Variants in GUCA1C observed in about 807,000 individuals in gnomAD.
GUCA1C encodes the protein guanylate cyclase activator 1C, also known as guanylyl cyclase-activating protein 3.
Under a neutral mutation model 16.2 loss-of-function variants are expected in GUCA1C, and 15 were observed. That is an observed-to-expected ratio of 0.93 (90% CI 0.62 to 1.43). The LOEUF (loss-of-function observed/expected upper bound fraction) is 1.43. Among genes scored for constraint, GUCA1C ranks in the 40% most tolerant of loss-of-function variants. The probability of loss-of-function intolerance (pLI) is 0.00; values close to 1 mark genes in which losing one functional copy is unlikely to be tolerated. For missense variants in GUCA1C, 275 were observed against 244.8 expected (o/e 1.12, Z -0.82); for synonymous variants, 78 against 85.4 (o/e 0.91, Z 0.48).
chr3:108,953,803 C>A lies in GUCA1C; in HGVS notation c.-41G>T. 1 of 1,484,634 alleles carries A rather than the reference C, an allele frequency of 6.7e-7. No individual in the cohort carries two copies. Among genetic ancestry groups the A allele is most frequent in the Non-Finnish European group, 9.4e-7 (1 of 1,062,826 alleles). 92.0% of individuals were successfully genotyped at this position (1,484,634 alleles called of 1,614,324 possible). A position where few individuals can be genotyped will look rare whatever the true frequency, so the allele number is the denominator to read the frequency against. ...ACAGCTTTTCCTCAGGTTGTTTTCA[C>A]TTAAGTTTTTGCTGGATTTAGTCCC... On this transcript the variant is annotated 5_prime_UTR_variant, in exon 1 of 4. Coordinates refer to ENST00000261047, the MANE Select transcript of GUCA1C (RefSeq NM_005459.4).
intron 1 of GUCA1C, among the ~76,000 whole-genome samples, chr3:108,951,065 A>G (rs1946891891): frequency 6.6e-6 from 1 of 152,120 alleles, no homozygotes; most frequent in African/African-American, 2.4e-5. Flanking sequence ...AAAGAAAAAT[A>G]TTGCATGATC....
chr3:108,914,796 TAA>T (rs1946490327), intron 3 of GUCA1C, among the ~76,000 whole-genome samples: 1 of 152,312 alleles, frequency 6.6e-6, no homozygotes. Flanking sequence ...ATATTCCAAA[TAA>T]AGTCTTCATT....
At chr3:108,923,528 G>A (rs755345148) in intron 1 of GUCA1C, among the ~76,000 whole-genome samples, 1 of 152,164 alleles carries the variant, frequency 6.6e-6, no homozygotes, top group South Asian at 2.1e-4. Context: ...TTTTATACCA[G>A]TGCCATGCTG....
chr3:108,926,401 T>C (rs554442238), intron 1 of GUCA1C, among the ~76,000 whole-genome samples: 4 of 152,318 alleles, frequency 2.6e-5, no homozygotes, highest in Non-Finnish European at 5.9e-5. Context: ...ATCTTTTAAG[T>C]GGAGCATTTA....
chr3:108,935,358 T>TA (rs1419510192), intron 1 of GUCA1C, among the ~76,000 whole-genome samples: 1 of 149,208 alleles, frequency 6.7e-6, no homozygotes, highest in African/African-American at 2.5e-5. Flanking sequence ...GAAAAAAAAA[T>TA]AAAAAATAAA....
At chr3:108,910,227 G>C (rs528216471) in intron 3 of GUCA1C, among the ~76,000 whole-genome samples, 1 of 152,254 alleles carries the variant, frequency 6.6e-6, no homozygotes, top group East Asian at 1.9e-4. Flanking sequence ...GGCCGTGAGC[G>C]GTGGCTCACG....
intron 1 of GUCA1C, among the ~76,000 whole-genome samples, chr3:108,932,044 G>T (rs1248780154): frequency 6.6e-6 from 1 of 151,382 alleles, no homozygotes; most frequent in Non-Finnish European, 1.5e-5. Context: ...TAGAGACGGG[G>T]TTTCACCGTG....
chr3:108,942,281 G>A (rs17592148), intron 1 of GUCA1C, among the ~76,000 whole-genome samples: 54,953 of 151,940 alleles, frequency 0.36, 10,706 homozygotes, highest in Non-Finnish European at 0.43. Context: ...AATAATCAAA[G>A]TTTTTCACTT....
chr3:108,942,176 C>G (rs1690030061), intron 1 of GUCA1C, among the ~76,000 whole-genome samples: 1 of 152,154 alleles, frequency 6.6e-6, no homozygotes, highest in South Asian at 2.1e-4. Context: ...AGTATCTACT[C>G]TATAATATTG....
At chr3:108,946,314 T>TA (rs111305998) in intron 1 of GUCA1C, among the ~76,000 whole-genome samples, 5,110 of 152,140 alleles carry the variant, frequency 0.034, 268 homozygotes, top group African/African-American at 0.11. Flanking sequence ...GCGTTTTTTT[T>TA]AGAGACAAGG....
chr3:108,949,721 C>T (rs1946879244), intron 1 of GUCA1C, among the ~76,000 whole-genome samples: 1 of 152,120 alleles, frequency 6.6e-6, no homozygotes, highest in Non-Finnish European at 1.5e-5. Flanking sequence ...ATCATAACCA[C>T]TCAAAAAGTG....
Position 108,918,186 on chromosome 3 carries a change from C to T in GUCA1C, c.355-1972G>A, listed in dbSNP as rs755459184. 7.9e-5 allele frequency among the ~76,000 whole-genome samples: 12 copies of T among 152,186 alleles called. No homozygotes were observed. The South Asian group carries it at 8.3e-4, about 11-fold the overall frequency. On this transcript the variant is annotated intron_variant, in intron 2 of 3. Transcript: ENST00000261047. ...TGAGCAATAGATGGCAACAGCCCTA[C>T]GCCCTCTCTACTCTCCAACTCACCA... is the stretch of plus-strand genomic sequence containing the variant.
rs150156597 is a variant in GUCA1C, at chr3:108,915,308, T to C, written c.442+819A>G. Among the ~76,000 whole-genome samples, 140 of 152,366 alleles carry C rather than the reference T, an allele frequency of 9.2e-4. 1 individual carries two copies. Among genetic ancestry groups the C allele is most frequent in the Middle Eastern group, 3.4e-3 (1 of 294 alleles). ...ATGACAACTGTGATTGGCATGCCAA[T>C]GCCTCTTATCCGTTTTCTTAAACCT... is the stretch of plus-strand genomic sequence containing the variant. On this transcript the variant is annotated intron_variant, in intron 3 of 3. Coordinates refer to ENST00000261047, the MANE Select transcript of GUCA1C (RefSeq NM_005459.4).
At chr3:108,908,308 C>T in intron 3 of GUCA1C, 99 bp from the exon 4 acceptor site, 2 of 561,226 alleles carry the variant, frequency 3.6e-6, no homozygotes, top group South Asian at 8.0e-5. Flanking sequence ...CTTTTGATAT[C>T]CTTTCCCCTC....
At chr3:108,930,933 A>G (rs1472176234) in intron 1 of GUCA1C, among the ~76,000 whole-genome samples, 1 of 152,224 alleles carries the variant, frequency 6.6e-6, no homozygotes, top group Non-Finnish European at 1.5e-5. Context: ...TGAGCAGGAC[A>G]TGACCATTAT....
chr3:108,950,817 C>T (rs538365002), intron 1 of GUCA1C, among the ~76,000 whole-genome samples: 1 of 152,006 alleles, frequency 6.6e-6, no homozygotes, highest in East Asian at 1.9e-4. Context: ...AAAGACAGAA[C>T]AACAAGAAAA....
intron 1 of GUCA1C, among the ~76,000 whole-genome samples, chr3:108,944,795 A>C (rs1946827147): frequency 6.6e-6 from 1 of 152,204 alleles, no homozygotes. Context: ...ATCATGCTAT[A>C]ATAGGTGCCC....
chr3:108,923,923 G>A (rs1269902878), intron 1 of GUCA1C, among the ~76,000 whole-genome samples: 3 of 152,094 alleles, frequency 2.0e-5, no homozygotes, highest in African/African-American at 7.2e-5. Flanking sequence ...TGTGAAAGGG[G>A]TTGAGTTCTT....
At chr3:108,919,484 G>A (rs1946550011) in intron 2 of GUCA1C, among the ~76,000 whole-genome samples, 1 of 152,076 alleles carries the variant, frequency 6.6e-6, no homozygotes, top group Non-Finnish European at 1.5e-5. Context: ...GTGAATCCTA[G>A]CACATTTTTT....
Sources: gnomAD v4.1 joint callset for allele counts (sites outside exome capture counted in the v4.1 genomes callset) on GRCh38, gnomAD v4.1.1 for gene constraint, MANE v1.5 for transcripts, NCBI Gene and HGNC (gene_info 2026-07-23, HGNC 2026-07-21) for gene names.